The following TET1 variants were observed in gnomAD, a reference collection of about 807,000 sequenced individuals.
TET1 encodes tet methylcytosine dioxygenase 1.
Under a neutral mutation model 148.7 loss-of-function variants are expected in TET1, and 13 were observed. The ratio of observed to expected loss-of-function variants is 0.09; its 90% CI spans 0.06 to 0.14. TET1 has a LOEUF of 0.14. TET1 is among the 10% of genes least tolerant of loss of function. The probability of loss-of-function intolerance (pLI) is 1.00; values close to 1 mark genes in which losing one functional copy is unlikely to be tolerated. For synonymous variants in TET1, 907 were observed against 937.2 expected, an observed-to-expected ratio of 0.97 and a Z score of 0.59; for missense variants, 2,182 against 2,553.8, an observed-to-expected ratio of 0.85 and a Z score of 3.14.
chr10:68,566,802 C>G (rs1256069298), intron 1 of TET1, among the ~76,000 whole-genome samples: 9 of 149,428 alleles, frequency 6.0e-5, no homozygotes. Context: ...ATGATAACTA[C>G]CACTTATTTT....
At chr10:68,622,465 C>T (rs997807068) in intron 3 of TET1, among the ~76,000 whole-genome samples, 1 of 151,984 alleles carries the variant, frequency 6.6e-6, no homozygotes, top group African/African-American at 2.4e-5. Flanking sequence ...ACGGTTTCAC[C>T]ATGTTCGCCA....
intron 8 of TET1, among the ~76,000 whole-genome samples, chr10:68,675,564 A>ATTTTT (rs11313882): frequency 1.5e-5 from 2 of 131,488 alleles, no homozygotes. Flanking sequence ...TATCCACGTC[A>ATTTTT]TTTTTTTTTT....
intron 6 of TET1, among the ~76,000 whole-genome samples, chr10:68,662,863 G>T (rs1377531662): frequency 6.6e-6 from 1 of 152,170 alleles, no homozygotes; most frequent in Non-Finnish European, 1.5e-5. Flanking sequence ...GCTGCATACA[G>T]TGAGCCATGA....
chr10:68,632,724 T>C (rs1400355428), intron 3 of TET1: 6 of 1,607,944 alleles, frequency 3.7e-6, no homozygotes, highest in South Asian at 1.1e-5. Flanking sequence ...GCAGCAGCAA[T>C]TGAACAATCT....
At chr10:68,687,680 C>T (rs2055533731) in intron 11 of TET1, among the ~76,000 whole-genome samples, 1 of 152,134 alleles carries the variant, frequency 6.6e-6, no homozygotes, top group African/African-American at 2.4e-5. Flanking sequence ...CCTCAACCTT[C>T]CAGGCTCAAG....
In TET1 at chr10:68,686,717, A is replaced by T. The variant is rs779770869; in HGVS notation, c.5404+10A>T. ...TCACTGCCAACCTTAGGTGAGCCCT[A>T]TGGAACCTGGTAATCTCTGCACAAC... is the stretch of plus-strand genomic sequence containing the variant. On this transcript the variant is annotated intron_variant, in intron 11 of 11. Coordinates refer to ENST00000373644, the MANE Select transcript of TET1 (RefSeq NM_030625.3). 1.2e-6 allele frequency: 2 copies of T among 1,604,014 alleles called. No individual in the cohort carries two copies. The highest frequency in any genetic ancestry group is 3.3e-4 in the Middle Eastern group (2 of 6,012).
chr10:68,660,485 G>A (rs2055091332), intron 6 of TET1, among the ~76,000 whole-genome samples: 1 of 151,346 alleles, frequency 6.6e-6, no homozygotes, highest in Non-Finnish European at 1.5e-5. Flanking sequence ...GATTACAGGT[G>A]TCCCCCAGCC....
At chr10:68,612,600 T>C (rs1488888412) in intron 3 of TET1, among the ~76,000 whole-genome samples, 2 of 152,028 alleles carry the variant, frequency 1.3e-5, no homozygotes, top group East Asian at 3.9e-4. Flanking sequence ...TTTATTATTC[T>C]ATATGTATGG....
At chr10:68,679,166 G>C (rs906469968) in intron 8 of TET1, among the ~76,000 whole-genome samples, 2 of 152,180 alleles carry the variant, frequency 1.3e-5, no homozygotes, top group African/African-American at 4.8e-5. Context: ...CTGGGCAACA[G>C]AGTGAAACTC....
Position 68,573,494 on chromosome 10 carries a change from G to T in TET1, c.1156G>T (p.Gly386Cys). Residue 386 changes from glycine to cysteine, a missense_variant, in exon 2 of 12, where the codon GGT (glycine) becomes TGT (cysteine). By Grantham distance (159) the Gly-to-Cys change is radical. Around this residue, in one of 11 missense-constraint regions of TET1, gnomAD observed 665 missense variants for 672.4 expected, o/e 0.99. Transcript: ENST00000373644. ...WELPGADPVH[G>C]EALGETPDLP... ...ACTTCCTGGTGCTGACCCAGTTCATGGTGAGGCCCTGGGTGAGACCCCAGA... is the reference window on the plus strand; with the variant it reads ...ACTTCCTGGTGCTGACCCAGTTCATTGTGAGGCCCTGGGTGAGACCCCAGA... The T allele has an allele frequency of 6.2e-7, 1 of 1,614,160 alleles. No individual in the cohort carries two copies.
At chr10:68,640,773 T>G (rs574173149) in intron 3 of TET1, among the ~76,000 whole-genome samples, 63 of 151,174 alleles carry the variant, frequency 4.2e-4, no homozygotes, top group Middle Eastern at 3.4e-3. Flanking sequence ...GGATGGTCTC[T>G]ATCTCCTGAC....
chr10:68,625,712 A>G (rs1257397289), intron 3 of TET1, among the ~76,000 whole-genome samples: 2 of 152,164 alleles, frequency 1.3e-5, no homozygotes, highest in African/African-American at 4.8e-5. Context: ...TGTAACACCA[A>G]TCTTTTTGGA....
intron 3 of TET1, among the ~76,000 whole-genome samples, chr10:68,621,448 G>A (rs115061005): frequency 4.7e-4 from 71 of 152,254 alleles, no homozygotes; most frequent in African/African-American, 1.7e-3. Flanking sequence ...ACTGAGCTTG[G>A]TGGCTTGCAC....
In TET1 at chr10:68,595,995, C is replaced by T. The variant is rs12775088; in HGVS notation, c.1915-4986C>T. 5.7e-3 allele frequency among the ~76,000 whole-genome samples: 395 copies of T among 69,182 alleles called. 10 individuals are homozygous for T. The highest frequency in any genetic ancestry group is 0.019 in the African/African-American group (356 of 18,386). The allele number at this position is 69,182 out of a possible 152,430, so 45.4% of individuals were successfully genotyped here. On this transcript the variant is annotated intron_variant, in intron 2 of 11. Coordinates refer to ENST00000373644, the MANE Select transcript of TET1 (RefSeq NM_030625.3). ...ACACACACATATATACACACACACACACACACACACACACACACACACACA... is the reference window on the plus strand; with the variant it reads ...ACACACACATATATACACACACACATACACACACACACACACACACACACA...
chr10:68,661,871 A>ATTT (rs60806125), intron 6 of TET1, among the ~76,000 whole-genome samples: 15 of 121,596 alleles, frequency 1.2e-4, no homozygotes, highest in South Asian at 5.6e-4. Context: ...TTTAAAAAAA[A>ATTT]TTTTTTTTCT....
intron 3 of TET1, among the ~76,000 whole-genome samples, chr10:68,641,648 G>A (rs990407693): frequency 1.6e-5 from 2 of 128,414 alleles, no homozygotes; most frequent in African/African-American, 5.7e-5. Flanking sequence ...ACAGGCGTAC[G>A]CCACCCTGCC....
intron 8 of TET1, chr10:68,675,090 G>A: frequency 1.7e-6 from 1 of 574,022 alleles, no homozygotes; most frequent in Non-Finnish European, 2.7e-6. Flanking sequence ...TGAACCACTA[G>A]TCCAAGAATC....
chr10:68,592,442 G>A (rs1472458089), intron 2 of TET1, among the ~76,000 whole-genome samples: 3 of 152,122 alleles, frequency 2.0e-5, no homozygotes, highest in South Asian at 2.1e-4. Flanking sequence ...TAACAGGAGC[G>A]TTATTCTTGG....
At position 68,646,714 on chromosome 10, in the gene TET1, C is replaced by T. The variant is rs1720420008; in HGVS notation, c.3985C>T (p.Leu1329Phe). 2 of 1,614,032 alleles carry T rather than the reference C, an allele frequency of 1.2e-6. No homozygotes were observed. Among genetic ancestry groups the T allele is most frequent in the Non-Finnish European group, 1.7e-6 (2 of 1,180,034 alleles). ...IRFQQVVKEQ[L>F]MHQRLPTLPG... ...GTTTCAGCAGGTTGTTAAGGAGCAA[C>T]TCATGCATCAGAGACTGCCAACATT... Residue 1329 changes from leucine to phenylalanine, a missense_variant, in exon 4 of 12, where the codon CTC (leucine) becomes TTC (phenylalanine). Leu to Phe is a conservative substitution (Grantham distance 22). Transcript: ENST00000373644.
Sources: allele counts gnomAD v4.1 joint callset (sites outside exome capture counted in the v4.1 genomes callset), GRCh38; gene constraint gnomAD v4.1.1; regional missense constraint gnomAD v4.1.1; transcripts MANE v1.5; gene names NCBI Gene and HGNC (gene_info 2026-07-23, HGNC 2026-07-21).